ALDH1L1: variants seen among roughly 807,000 people sequenced by gnomAD.
ALDH1L1 encodes aldehyde dehydrogenase 1 family member L1.
Under a neutral mutation model 101.1 loss-of-function variants are expected in ALDH1L1, and 68 were observed. The ratio of observed to expected loss-of-function variants is 0.67; its 90% CI spans 0.55 to 0.82. ALDH1L1 has a LOEUF of 0.82. Ranked by LOEUF, ALDH1L1 falls within the 40% of genes least tolerant of loss-of-function variation. The pLI is 0.00. For synonymous variants in ALDH1L1, 486 were observed against 470.8 expected (o/e 1.03, Z -0.42); for missense variants, 1,087 against 1,172.7 (o/e 0.93, Z 1.07).
intron 1 of ALDH1L1, among the ~76,000 whole-genome samples, chr3:126,193,114 A>AC (rs1389973335): frequency 2.6e-5 from 4 of 152,206 alleles, no homozygotes; most frequent in Non-Finnish European, 5.9e-5. Context: ...AATCTTGTCT[A>AC]CCTACTAAGT....
chr3:126,181,340 C>A (rs1034518739), upstream of ALDH1L1: 4 of 372,894 alleles, frequency 1.1e-5, no homozygotes, highest in Non-Finnish European at 2.1e-5. Context: ...ACACCTGCGG[C>A]CGCACTGCTC....
intron 12 of ALDH1L1, among the ~76,000 whole-genome samples, chr3:126,132,050 C>A (rs2080319712): frequency 6.6e-6 from 1 of 152,244 alleles, no homozygotes; most frequent in Non-Finnish European, 1.5e-5. Context: ...GACTAGGGAG[C>A]AACGTGGGGG....
chr3:126,165,606 A>G lies in ALDH1L1; in HGVS notation c.-23-4604T>C, dbSNP rs1236244330. Among the ~76,000 whole-genome samples, 3 of 152,234 alleles carry G rather than the reference A, an allele frequency of 2.0e-5. No individual in the cohort carries two copies. The East Asian group carries it at 5.8e-4, about 29-fold the overall frequency. ...ATTACTGATTCAGTTTCAGAGCTCA[A>G]TATTGGTCTATTCAGCATTTCAATC... On this transcript the variant is annotated intron_variant, in intron 1 of 22. Transcript: ENST00000393434.
chr3:126,118,257 C>T (rs150069501), intron 16 of ALDH1L1, among the ~76,000 whole-genome samples, 159 bp from the exon 17 acceptor site: 210 of 152,272 alleles, frequency 1.4e-3, no homozygotes, highest in African/African-American at 4.9e-3. Context: ...TGGAGCCTCG[C>T]TCCCTATTAG....
intron 19 of ALDH1L1, chr3:126,110,367 G>A: frequency 5.6e-6 from 3 of 536,262 alleles, no homozygotes; most frequent in Middle Eastern, 9.7e-4. Flanking sequence ...ATACAGGGGT[G>A]TGGGTGAGGA....
At chr3:126,111,355 C>T (rs1946071915) in intron 19 of ALDH1L1, among the ~76,000 whole-genome samples, 1 of 152,280 alleles carries the variant, frequency 6.6e-6, no homozygotes, top group African/African-American at 2.4e-5. Flanking sequence ...CATGTCCCAG[C>T]ACACGCTGCA....
At chr3:126,117,407 G>A (rs554963558) in intron 17 of ALDH1L1, among the ~76,000 whole-genome samples, 17 of 151,996 alleles carry the variant, frequency 1.1e-4, no homozygotes, top group South Asian at 2.1e-4. Flanking sequence ...ATCCCAGCAC[G>A]GAGATGGGAG....
chr3:126,117,910 G>T, intron 17 of ALDH1L1, 95 bp downstream of exon 17: 1 of 1,237,710 alleles, frequency 8.1e-7, no homozygotes, highest in Non-Finnish European at 1.1e-6. Flanking sequence ...GTGCCCTGGA[G>T]CCTGGGAAGC....
intron 8 of ALDH1L1, among the ~76,000 whole-genome samples, chr3:126,148,984 A>G (rs2080754688): frequency 6.6e-6 from 1 of 152,146 alleles, no homozygotes. Flanking sequence ...GTACCAACCA[A>G]TTAGAACTGG....
rs372887650 is a variant in ALDH1L1 at position 126,150,419 on chromosome 3, G to T, written c.971C>A (p.Ala324Glu). 7.1e-6 allele frequency: 11 copies of T among 1,551,144 alleles called. No homozygotes were observed. Among genetic ancestry groups the T allele is most frequent in the African/African-American group, 1.4e-5 (1 of 73,040 alleles). The change falls in exon 8 of 23, where the codon GCG becomes GAG. Residue 324 changes from alanine (A) to glutamate (E), a missense_variant. Ala to Glu is a moderately radical substitution (Grantham distance 107). This residue lies in a region of ALDH1L1 where 645 missense variants were observed against 637.0 expected (regional missense o/e 1.01). Coordinates refer to ENST00000393434, the MANE Select transcript of ALDH1L1 (RefSeq NM_012190.4). ...GTTGCCTCTTACCCGCACAGCCTCC[G>T]CAGTAACCAGCTCTGCCTCTGTCAG... The part of the protein sequence containing the change: ...LELTEAELVT[A>E]EAVRSVWQRI...
intron 1 of ALDH1L1, among the ~76,000 whole-genome samples, chr3:126,188,178 A>G (rs907937101): frequency 1.3e-5 from 2 of 152,242 alleles, no homozygotes; most frequent in African/African-American, 2.4e-5. Context: ...TGGACAACGC[A>G]GGTTGGACCT....
intron 3 of ALDH1L1, among the ~76,000 whole-genome samples, chr3:126,158,037 G>C (rs1665336469): frequency 6.6e-6 from 1 of 152,040 alleles, no homozygotes; most frequent in South Asian, 2.1e-4. Flanking sequence ...GTTAGAGTAG[G>C]ACCCCCAGCC....
At chr3:126,153,262 C>A (rs113973878) in intron 7 of ALDH1L1, 182 bp downstream of exon 7, 8 of 880,246 alleles carry the variant, frequency 9.1e-6, no homozygotes, top group African/African-American at 5.0e-5. Context: ...TAAACTGCCT[C>A]GGACACCCTG....
intron 2 of ALDH1L1, among the ~76,000 whole-genome samples, chr3:126,158,922 G>C (rs939155183): frequency 1.3e-5 from 2 of 152,006 alleles, no homozygotes; most frequent in Non-Finnish European, 2.9e-5. Context: ...TTCCTCTCCT[G>C]AGGCCTTGCC....
chr3:126,137,879 G>A lies in ALDH1L1; in HGVS notation c.1158C>T (p.Asp386=), dbSNP rs1043079210. 2.7e-5 allele frequency: 43 copies of A among 1,614,070 alleles called. No individual in the cohort carries two copies. Among genetic ancestry groups the A allele is most frequent in the Non-Finnish European group, 3.2e-5 (38 of 1,180,028 alleles). The change falls in exon 10 of 23, where the codon GAC becomes GAT. Residue 386 remains aspartate, a synonymous_variant. Transcript: ENST00000393434. ...EDVYMASTFG[D]FIQLLVRKLR... ...GCTTCCTCACTAACAGCTGGATGAAGTCCCCAAAGGTGGATGCCATGTACA... is the reference window on the plus strand; with the variant it reads ...GCTTCCTCACTAACAGCTGGATGAAATCCCCAAAGGTGGATGCCATGTACA...
Position 126,103,852 on chromosome 3 carries a change from A to G in ALDH1L1, c.2654-6T>C, listed in dbSNP as rs1381600625. 1 of 1,612,956 alleles carries G rather than the reference A, an allele frequency of 6.2e-7. No homozygotes were observed. The highest frequency in any genetic ancestry group is 8.5e-7 in the Non-Finnish European group (1 of 1,179,628). On this transcript the variant is annotated splice_region_variant and splice_polypyrimidine_tract_variant and intron_variant, in intron 22 of 22. Transcript: ENST00000393434. ...CTCGTTCAGAGCCGCCTCTCCTGTA[A>G]GACACCACAAAGGTCACAGCAGCTC...
At chr3:126,135,023 T>C (rs1025481222) in intron 12 of ALDH1L1, 2 of 152,166 alleles carry the variant, frequency 1.3e-5, no homozygotes, top group African/African-American at 4.8e-5. Flanking sequence ...GAACTGGAAC[T>C]AAGGAGAGAA....
At chr3:126,125,810 G>A in intron 14 of ALDH1L1, 89 bp from the exon 15 acceptor site, 1 of 942,358 alleles carries the variant, frequency 1.1e-6, no homozygotes, top group Non-Finnish European at 1.5e-6. Context: ...CCCAGGGCCT[G>A]ACATCCACTC....
chr3:126,179,424 C>T (rs1294256587), intron 1 of ALDH1L1, among the ~76,000 whole-genome samples: 3 of 152,098 alleles, frequency 2.0e-5, no homozygotes, highest in African/African-American at 4.8e-5. Context: ...CACTTGAACC[C>T]GGGAGGCGGA....
Sources: gnomAD v4.1 joint callset for allele counts (sites outside exome capture counted in the v4.1 genomes callset) on GRCh38, gnomAD v4.1.1 for gene constraint, gnomAD v4.1.1 regional missense constraint, MANE v1.5 for transcripts, NCBI Gene and HGNC (gene_info 2026-07-23, HGNC 2026-07-21) for gene names.